MACROD2: variants seen among roughly 807,000 people sequenced by gnomAD.
The protein encoded by MACROD2 is ADP-ribose glycohydrolase MACROD2.
A neutral mutation model predicts 70.4 loss-of-function variants in MACROD2; 36 were observed. The observed-to-expected ratio is 0.51, with a 90% CI of 0.39 to 0.68. The LOEUF is 0.68. MACROD2 is among the 30% of genes least tolerant of loss of function. The pLI is 0.00. For missense variants in MACROD2, 496 were observed against 538.4 expected (o/e 0.92, Z 0.78); for synonymous variants, 172 against 178.8 (o/e 0.96, Z 0.30).
intron 4 of MACROD2, among the ~76,000 whole-genome samples, chr20:14,654,775 A>C (rs1390355520): frequency 1.3e-5 from 2 of 152,160 alleles, no homozygotes; most frequent in Non-Finnish European, 2.9e-5. Context: ...ACTGTAGAAA[A>C]ACAAGAGCTC....
intron 5 of MACROD2, among the ~76,000 whole-genome samples, chr20:15,121,525 AAAAAAG>A (rs1000543145): frequency 5.3e-5 from 8 of 151,310 alleles, no homozygotes; most frequent in Admixed American, 4.6e-4. Flanking sequence ...AAAAAAAAAA[AAAAAAG>A]AAAAAAGAAA....
chr20:15,671,426 TA>T, intron 8 of MACROD2, among the ~76,000 whole-genome samples: 1 of 152,146 alleles, frequency 6.6e-6, no homozygotes, highest in East Asian at 1.9e-4. Flanking sequence ...GTGGGGGGAT[TA>T]TGGCCGTTTT....
chr20:15,096,057 G>T (rs2075829213), intron 5 of MACROD2, among the ~76,000 whole-genome samples: 1 of 152,072 alleles, frequency 6.6e-6, no homozygotes, highest in African/African-American at 2.4e-5. Flanking sequence ...TTCCCCCCAG[G>T]TGGACAATTT....
chr20:15,637,102 A>C (rs2049382038), intron 8 of MACROD2, among the ~76,000 whole-genome samples: 1 of 152,190 alleles, frequency 6.6e-6, no homozygotes, highest in African/African-American at 2.4e-5. Context: ...CTCCCCACAA[A>C]GAACTGCAGA....
At chr20:14,452,101 A>G (rs565634180) in intron 3 of MACROD2, among the ~76,000 whole-genome samples, 38 of 152,162 alleles carry the variant, frequency 2.5e-4, no homozygotes, top group Middle Eastern at 6.8e-3. Context: ...TGATTCTTCT[A>G]TCTACTGATG....
rs1314631950 is a variant in MACROD2 at position 14,228,049 on chromosome 20, A to G, written c.271+142321A>G. Among the ~76,000 whole-genome samples, 6 of 152,142 alleles carry G rather than the reference A, an allele frequency of 3.9e-5. No individual in the cohort carries two copies. The East Asian group carries it at 1.2e-3, about 29-fold the overall frequency. ...TGTAAATTTTCTGATTTTGATAGTT[A>G]TACATGGTTCTGTAAAAAACTGGCT... On this transcript the variant is annotated intron_variant, in intron 3 of 17. Coordinates refer to ENST00000684519, the MANE Select transcript of MACROD2 (RefSeq NM_001351661.2).
At chr20:15,319,146 C>A (rs1279426216) in intron 6 of MACROD2, among the ~76,000 whole-genome samples, 3 of 152,070 alleles carry the variant, frequency 2.0e-5, no homozygotes, top group Non-Finnish European at 4.4e-5. Context: ...ACACACAAAT[C>A]AGTTGCTTCT....
At chr20:15,431,495 ATTCAGTG>A in intron 7 of MACROD2, 60 bp downstream of exon 7, 1 of 1,493,852 alleles carries the variant, frequency 6.7e-7, no homozygotes, top group Admixed American at 1.7e-5. Flanking sequence ...AAATGCAGAG[ATTCAGTG>A]AAAAAATAAG....
chr20:14,014,484 G>A (rs547426892), intron 2 of MACROD2, among the ~76,000 whole-genome samples: 5 of 152,208 alleles, frequency 3.3e-5, no homozygotes, highest in South Asian at 4.1e-4. Flanking sequence ...AGAAAATATC[G>A]TGCCAGGGCA....
At chr20:15,893,323 G>T (rs759882733) in intron 10 of MACROD2, among the ~76,000 whole-genome samples, 6 of 152,270 alleles carry the variant, frequency 3.9e-5, no homozygotes, top group Non-Finnish European at 7.3e-5. Flanking sequence ...TGAAGGTCAA[G>T]ATTTGCATGT....
intron 5 of MACROD2, among the ~76,000 whole-genome samples, chr20:15,213,853 T>C (rs1275201453): frequency 1.3e-5 from 2 of 152,222 alleles, no homozygotes; most frequent in East Asian, 3.9e-4. Context: ...GGAAGGACAG[T>C]GCTCTTTCTA....
At chr20:14,461,155 A>G (rs1018076778) in intron 3 of MACROD2, among the ~76,000 whole-genome samples, 1 of 152,042 alleles carries the variant, frequency 6.6e-6, no homozygotes, top group Non-Finnish European at 1.5e-5. Flanking sequence ...TAGTCTTGGG[A>G]GGGTGTATGT....
chr20:15,810,222 C>G (rs1181442924), intron 8 of MACROD2, among the ~76,000 whole-genome samples: 1 of 151,800 alleles, frequency 6.6e-6, no homozygotes, highest in Non-Finnish European at 1.5e-5. Context: ...GCATAGTATT[C>G]CATGGTGTAT....
intron 4 of MACROD2, chr20:14,626,956 A>C (rs543218866): frequency 1.3e-5 from 2 of 152,378 alleles, no homozygotes; most frequent in South Asian, 4.1e-4. Context: ...AAGAATTGGC[A>C]AGGGATAGTA....
At chr20:14,482,830 G>A (rs1159650549) in intron 3 of MACROD2, among the ~76,000 whole-genome samples, 1 of 152,154 alleles carries the variant, frequency 6.6e-6, no homozygotes, top group African/African-American at 2.4e-5. Context: ...TTGTGGGTTG[G>A]AGGGTATGGA....
chr20:15,518,302 T>C (rs6043343), intron 8 of MACROD2, among the ~76,000 whole-genome samples: 2,610 of 152,306 alleles, frequency 0.017, 75 homozygotes, highest in African/African-American at 0.06. Flanking sequence ...GATGAGAAGA[T>C]TGATGAAATG....
chr20:15,382,177 GA>G (rs1048993748), intron 6 of MACROD2, among the ~76,000 whole-genome samples: 1 of 151,968 alleles, frequency 6.6e-6, no homozygotes, highest in African/African-American at 2.4e-5. Flanking sequence ...TATAAATTGA[GA>G]AAAAAAGATT....
At chr20:14,111,830 A>G (rs1262226136) in intron 3 of MACROD2, among the ~76,000 whole-genome samples, 2 of 152,034 alleles carry the variant, frequency 1.3e-5, no homozygotes, top group African/African-American at 2.4e-5. Context: ...TAGAGCTACC[A>G]TCATCCAGCA....
At chr20:14,977,871 G>A (rs2122826163) in intron 5 of MACROD2, among the ~76,000 whole-genome samples, 1 of 152,192 alleles carries the variant, frequency 6.6e-6, no homozygotes, top group South Asian at 2.1e-4. Flanking sequence ...GGCTATCTAT[G>A]TATTCTGTTG....
Sources: gnomAD v4.1 joint callset for allele counts (sites outside exome capture counted in the v4.1 genomes callset) on GRCh38, gnomAD v4.1.1 for gene constraint, MANE v1.5 for transcripts, NCBI Gene and HGNC (gene_info 2026-07-23, HGNC 2026-07-21) for gene names.